Variants in NDUFS4 observed in about 807,000 individuals in gnomAD.
The protein encoded by NDUFS4 is NADH:ubiquinone oxidoreductase subunit S4.
A neutral mutation model predicts 24.3 loss-of-function variants in NDUFS4; 28 were observed. That is an observed-to-expected ratio of 1.15 (90% confidence interval 0.85 to 1.58). The LOEUF is 1.58. Ranked by LOEUF, NDUFS4 falls within the 40% of genes most tolerant of loss-of-function variation. The pLI is 0.00. For missense variants in NDUFS4, 223 were observed against 207.9 expected (o/e 1.07, Z -0.45); for synonymous variants, 93 against 69.7 (o/e 1.34, Z -1.67).
At chr5:53,673,423 A>G (rs1415479637) in intron 4 of NDUFS4, among the ~76,000 whole-genome samples, 1 of 152,088 alleles carries the variant, frequency 6.6e-6, no homozygotes, top group Non-Finnish European at 1.5e-5. Flanking sequence ...CAGTTTTGGG[A>G]AGGTAAATAT....
At chr5:53,574,309 G>A (rs1749316833) in intron 1 of NDUFS4, among the ~76,000 whole-genome samples, 1 of 152,174 alleles carries the variant, frequency 6.6e-6, no homozygotes, top group South Asian at 2.1e-4. Context: ...TGTGTCTAAT[G>A]CCTTTTATGC....
intron 2 of NDUFS4, among the ~76,000 whole-genome samples, chr5:53,639,721 G>A (rs577451181): frequency 1.3e-5 from 2 of 152,178 alleles, no homozygotes; most frequent in East Asian, 3.9e-4. Flanking sequence ...AAATCAGGCA[G>A]TTATAAAAAA....
At chr5:53,575,196 A>G (rs1404183218) in intron 1 of NDUFS4, among the ~76,000 whole-genome samples, 1 of 152,138 alleles carries the variant, frequency 6.6e-6, no homozygotes, top group Admixed American at 6.5e-5. Flanking sequence ...TTCCAGCCGC[A>G]TTTAAGTTCA....
intron 3 of NDUFS4, among the ~76,000 whole-genome samples, chr5:53,649,226 C>A (rs930012668): frequency 3.3e-5 from 5 of 151,984 alleles, no homozygotes; most frequent in African/African-American, 1.2e-4. Context: ...AATTTTAGAT[C>A]CAGGGTGTAC....
intron 2 of NDUFS4, among the ~76,000 whole-genome samples, chr5:53,616,448 A>G (rs139648238): frequency 2.0e-5 from 3 of 152,160 alleles, no homozygotes; most frequent in Admixed American, 2.0e-4. Context: ...AGGGCAGTCA[A>G]CGAAACCCAC....
chr5:53,674,857 T>G (rs555880313), intron 4 of NDUFS4, among the ~76,000 whole-genome samples: 1 of 152,278 alleles, frequency 6.6e-6, no homozygotes, highest in Non-Finnish European at 1.5e-5. Flanking sequence ...GCAAGTGGAA[T>G]AAAAGTCTGT....
chr5:53,630,521 A>C (rs187273958), intron 2 of NDUFS4, among the ~76,000 whole-genome samples: 272 of 152,226 alleles, frequency 1.8e-3, no homozygotes, highest in African/African-American at 6.5e-3. Flanking sequence ...TACACCAATC[A>C]AACGTATATT....
At chr5:53,679,811 G>T (rs929183202) in intron 4 of NDUFS4, among the ~76,000 whole-genome samples, 4 of 152,052 alleles carry the variant, frequency 2.6e-5, no homozygotes, top group South Asian at 2.1e-4. Flanking sequence ...AGAGGAGAGA[G>T]AACTTAGGTT....
chr5:53,581,744 C>T (rs1423496304), intron 1 of NDUFS4, among the ~76,000 whole-genome samples: 1 of 152,094 alleles, frequency 6.6e-6, no homozygotes, highest in Admixed American at 6.6e-5. Context: ...TCTGTGAAGT[C>T]TTAGAGCTCC....
intron 4 of NDUFS4, among the ~76,000 whole-genome samples, chr5:53,670,426 CTT>C (rs1410271016): frequency 6.7e-6 from 1 of 149,670 alleles, no homozygotes; most frequent in Non-Finnish European, 1.5e-5. Context: ...ATTTCAAAGA[CTT>C]AGTATGAAAA....
intron 4 of NDUFS4, among the ~76,000 whole-genome samples, chr5:53,667,915 C>T (rs994245086): frequency 1.3e-5 from 2 of 152,172 alleles, no homozygotes; most frequent in African/African-American, 2.4e-5. Flanking sequence ...AGCCCATGGG[C>T]TAGTTCGTCT....
At chr5:53,578,995 CT>C (rs1210584596) in intron 1 of NDUFS4, among the ~76,000 whole-genome samples, 1 of 152,202 alleles carries the variant, frequency 6.6e-6, no homozygotes, top group African/African-American at 2.4e-5. Flanking sequence ...AACAATCTAT[CT>C]TTAGCATCTA....
intron 3 of NDUFS4, among the ~76,000 whole-genome samples, chr5:53,651,819 G>A (rs1172364844): frequency 6.7e-6 from 1 of 148,644 alleles, no homozygotes; most frequent in Non-Finnish European, 1.5e-5. Flanking sequence ...TGTCGCTCAG[G>A]CTGGAGTGCA....
chr5:53,576,751 G>A (rs1307900606), intron 1 of NDUFS4, among the ~76,000 whole-genome samples: 1 of 152,176 alleles, frequency 6.6e-6, no homozygotes, highest in Non-Finnish European at 1.5e-5. Flanking sequence ...TTTAGAACAG[G>A]AATATTTTGT....
chr5:53,673,846 A>G (rs1229643567), intron 4 of NDUFS4, among the ~76,000 whole-genome samples: 1 of 152,190 alleles, frequency 6.6e-6, no homozygotes, highest in Non-Finnish European at 1.5e-5. Flanking sequence ...AAATACACAT[A>G]ACTTTCTATA....
At chr5:53,658,712 G>A (rs1210973254) in intron 4 of NDUFS4, 88 bp downstream of exon 4, 2 of 1,068,694 alleles carry the variant, frequency 1.9e-6, no homozygotes, top group African/African-American at 1.7e-5. Context: ...CAGAATTTGA[G>A]TTGGAATCCA....
At chr5:53,566,897 G>A (rs1348802392) in intron 1 of NDUFS4, among the ~76,000 whole-genome samples, 1 of 147,086 alleles carries the variant, frequency 6.8e-6, no homozygotes, top group Admixed American at 6.8e-5. Context: ...TGCCCAGGCT[G>A]AAATGCAGTG....
chr5:53,596,330 G>C (rs1750132915), intron 1 of NDUFS4, among the ~76,000 whole-genome samples: 1 of 152,246 alleles, frequency 6.6e-6, no homozygotes, highest in East Asian at 1.9e-4. Context: ...CTACTCAGGA[G>C]GCTGAGGTGG....
At chr5:53,659,453 C>A (rs1212092302) in intron 4 of NDUFS4, among the ~76,000 whole-genome samples, 64 of 152,088 alleles carry the variant, frequency 4.2e-4, no homozygotes. Flanking sequence ...TGGGTGATAG[C>A]TGATACATAA....
Sources: allele counts gnomAD v4.1 joint callset (sites outside exome capture counted in the v4.1 genomes callset), GRCh38; gene constraint gnomAD v4.1.1; transcripts MANE v1.5; gene names NCBI Gene and HGNC (gene_info 2026-07-23, HGNC 2026-07-21).